The following SCMH1 variants were observed in gnomAD, a reference collection of about 807,000 sequenced individuals.
SCMH1 encodes Scm polycomb group protein homolog 1.
In SCMH1, 37 loss-of-function variants were observed where a neutral mutation model predicts 70.8. The observed-to-expected ratio is 0.52, with a 90% CI of 0.40 to 0.69. The LOEUF (loss-of-function observed/expected upper bound fraction) is 0.69, where lower values mean the gene tolerates loss of function less well. Ranked by LOEUF, SCMH1 falls within the 30% of genes least tolerant of loss-of-function variation. The probability of loss-of-function intolerance (pLI) is 0.00; values close to 1 mark genes in which losing one functional copy is unlikely to be tolerated. For missense variants in SCMH1, 607 were observed against 827.3 expected (o/e 0.73, Z 3.27); for synonymous variants, 292 against 307.4 (o/e 0.95, Z 0.52).
chr1:41,196,951 C>T lies in SCMH1; in HGVS notation c.-117-10701G>A, dbSNP rs1032988792. ...GCCAATAACCACATGAAAAGATGCT[C>T]AGCATCAATAATCACTAAAGAAATG... is the stretch of plus-strand genomic sequence containing the variant. On this transcript the variant is annotated intron_variant, in intron 1 of 14. Transcript: ENST00000337495. Among the ~76,000 whole-genome samples the T allele has an allele frequency of 1.9e-4, 29 of 152,266 alleles. 1 individual carries two copies. Among genetic ancestry groups the T allele is most frequent in the African/African-American group, 6.7e-4 (28 of 41,568 alleles).
intron 8 of SCMH1, among the ~76,000 whole-genome samples, chr1:41,084,533 G>A (rs1019537759): frequency 2.6e-5 from 4 of 152,016 alleles, no homozygotes; most frequent in Non-Finnish European, 5.9e-5. Flanking sequence ...TTGGTGGTAC[G>A]GTAAACTAGT....
intron 8 of SCMH1, among the ~76,000 whole-genome samples, chr1:41,099,411 A>G (rs896939155): frequency 6.6e-6 from 1 of 152,220 alleles, no homozygotes; most frequent in Non-Finnish European, 1.5e-5. Flanking sequence ...ATGGAAACCT[A>G]TCATATGAGA....
intron 13 of SCMH1, among the ~76,000 whole-genome samples, chr1:41,030,015 AC>A (rs1644296271): frequency 6.6e-6 from 1 of 152,132 alleles, no homozygotes; most frequent in South Asian, 2.1e-4. Context: ...GGAGTTCAAG[AC>A]CAGCTTGGGC....
chr1:41,149,248 T>A (rs1441134195), intron 5 of SCMH1, among the ~76,000 whole-genome samples: 1 of 152,192 alleles, frequency 6.6e-6, no homozygotes, highest in African/African-American at 2.4e-5. Flanking sequence ...TCTCTTTGTG[T>A]TTCATTTTGA....
At chr1:41,153,760 T>C (rs1645274262) in intron 4 of SCMH1, among the ~76,000 whole-genome samples, 1 of 152,198 alleles carries the variant, frequency 6.6e-6, no homozygotes. Flanking sequence ...TAGTTCCTTA[T>C]TATCAGGTGA....
chr1:41,164,508 T>C (rs560744181), intron 2 of SCMH1, among the ~76,000 whole-genome samples: 1 of 152,192 alleles, frequency 6.6e-6, no homozygotes, highest in African/African-American at 2.4e-5. Flanking sequence ...TTCACGACGG[T>C]AGAGACTTGA....
chr1:41,124,408 GC>G (rs1412946435), intron 6 of SCMH1, among the ~76,000 whole-genome samples: 1 of 152,056 alleles, frequency 6.6e-6, no homozygotes. Flanking sequence ...ATCACATACT[GC>G]AATTGGTTGT....
intron 2 of SCMH1, among the ~76,000 whole-genome samples, chr1:41,176,770 A>G (rs1239297901): frequency 6.6e-6 from 1 of 152,200 alleles, no homozygotes; most frequent in Non-Finnish European, 1.5e-5. Flanking sequence ...AACTGGGTGG[A>G]GCCTACCGCA....
chr1:41,212,301 C>T (rs1247482813), intron 1 of SCMH1, among the ~76,000 whole-genome samples: 1 of 152,136 alleles, frequency 6.6e-6, no homozygotes, highest in Non-Finnish European at 1.5e-5. Flanking sequence ...TTTAGCTTTT[C>T]ATTCCCTAGG....
intron 1 of SCMH1, among the ~76,000 whole-genome samples, chr1:41,237,541 C>A (rs1245355517): frequency 6.6e-6 from 1 of 152,210 alleles, no homozygotes; most frequent in Non-Finnish European, 1.5e-5. Flanking sequence ...CAACTCCAAA[C>A]TGCATCACAG....
chr1:41,062,235 A>G (rs1405317106), intron 10 of SCMH1, among the ~76,000 whole-genome samples: 1 of 152,216 alleles, frequency 6.6e-6, no homozygotes, highest in African/African-American at 2.4e-5. Flanking sequence ...ACATGAAAAA[A>G]ATCACCAGAG....
At chr1:41,221,893 CAAAAAAAAAAAAA>C (rs34257855) in intron 1 of SCMH1, among the ~76,000 whole-genome samples, 12 of 45,020 alleles carry the variant, frequency 2.7e-4, no homozygotes, top group African/African-American at 1.0e-3. Flanking sequence ...GACTCCGTCT[CAAAAAAAAAAAAA>C]AAAAAAAAAA....
At chr1:41,190,190 TA>T (rs1651344322) in intron 1 of SCMH1, among the ~76,000 whole-genome samples, 4 of 152,208 alleles carry the variant, frequency 2.6e-5, no homozygotes, top group Admixed American at 2.0e-4. Context: ...CAATCTCATT[TA>T]AAGTAAAGCA....
intron 8 of SCMH1, among the ~76,000 whole-genome samples, chr1:41,112,582 TATA>T (rs1167306804): frequency 1.3e-5 from 2 of 151,908 alleles, no homozygotes; most frequent in Non-Finnish European, 2.9e-5. Flanking sequence ...AATCATATAG[TATA>T]ATATGATATA....
Position 41,116,415 on chromosome 1 carries a change from T to G in SCMH1, c.501+507A>C, listed in dbSNP as rs138671659. ...CCTGTTCTGCCGCTTACTAGCCACGTGATCTTGAGCAAGCTCCTAATTCAA... is the reference window on the plus strand; with the variant it reads ...CCTGTTCTGCCGCTTACTAGCCACGGGATCTTGAGCAAGCTCCTAATTCAA... On this transcript the variant is annotated intron_variant, in intron 7 of 14. Coordinates refer to ENST00000337495, the Ensembl canonical transcript of SCMH1. Among the ~76,000 whole-genome samples, 429 of 152,378 alleles carry G rather than the reference T, an allele frequency of 2.8e-3. 5 individuals carry two copies. Among genetic ancestry groups the G allele is most frequent in the African/African-American group, 9.6e-3 (401 of 41,588 alleles).
Position 41,028,797 on chromosome 1 carries a change from ACATCTCAGTGGCC to A in SCMH1, c.1679-84_1679-72del, listed in dbSNP as rs1644099659. 15 of 1,546,944 alleles carry A rather than the reference ACATCTCAGTGGCC, an allele frequency of 9.7e-6. No homozygotes were observed. The East Asian group carries it at 3.2e-4, about 33-fold the overall frequency. On this transcript the variant is annotated intron_variant, in intron 13 of 14. Transcript: ENST00000337495. ...GTAAATCCCCACCACTCTCCTTGGC[ACATCTCAGTGGCC>A]TTCTAGGTGATGCTCACAGTAGTGC...
intron 2 of SCMH1, among the ~76,000 whole-genome samples, chr1:41,165,997 T>C (rs1289045859): frequency 6.6e-6 from 1 of 152,152 alleles, no homozygotes; most frequent in Admixed American, 6.5e-5. Context: ...TAGTTTCAAG[T>C]CTTTATTCCA....
At chr1:41,106,376 T>C (rs1051432226) in intron 8 of SCMH1, among the ~76,000 whole-genome samples, 1 of 151,752 alleles carries the variant, frequency 6.6e-6, no homozygotes, top group African/African-American at 2.4e-5. Flanking sequence ...CACTGCCATC[T>C]GCCTGCTCCA....
At chr1:41,047,997 G>A (rs1168198930) in intron 11 of SCMH1, among the ~76,000 whole-genome samples, 1 of 152,150 alleles carries the variant, frequency 6.6e-6, no homozygotes, top group African/African-American at 2.4e-5. Context: ...TGCCAGCGGG[G>A]TTTCCTGAAG....
Sources: allele counts gnomAD v4.1 joint callset (sites outside exome capture counted in the v4.1 genomes callset), GRCh38; gene constraint gnomAD v4.1.1; transcripts MANE v1.5; gene names NCBI Gene and HGNC (gene_info 2026-07-23, HGNC 2026-07-21).